SLF1: variants seen among roughly 807,000 people sequenced by gnomAD.
SLF1 encodes the protein SMC5/6 complex localization factor 1.
A neutral mutation model predicts 123.0 loss-of-function variants in SLF1; 105 were observed. That is an observed-to-expected ratio of 0.85 (90% confidence interval 0.73 to 1.00). The LOEUF (loss-of-function observed/expected upper bound fraction) is 1.00, where lower values mean the gene tolerates loss of function less well. Ranked by LOEUF, SLF1 falls within the 50% of genes least tolerant of loss-of-function variation. The pLI, the probability that SLF1 is intolerant of heterozygous loss-of-function variation, is 0.00. For missense variants in SLF1, 1,239 were observed against 1,223.0 expected, an observed-to-expected ratio of 1.01 and a Z score of -0.20; for synonymous variants, 434 against 406.6, an observed-to-expected ratio of 1.07 and a Z score of -0.81.
chr5:94,673,146 CT>C (rs35332954), intron 14 of SLF1, among the ~76,000 whole-genome samples: 186 of 146,328 alleles, frequency 1.3e-3, no homozygotes, highest in South Asian at 1.8e-3. Context: ...TTGGCCATGA[CT>C]TTTTTTTTTT....
intron 5 of SLF1, among the ~76,000 whole-genome samples, 187 bp from the exon 6 acceptor site, chr5:94,649,267 C>T (rs909962005): frequency 3.9e-5 from 6 of 152,138 alleles, no homozygotes; most frequent in Non-Finnish European, 8.8e-5. Flanking sequence ...TATTCAGGAC[C>T]TTTACTATCA....
chr5:94,669,839 G>A (rs997307178), intron 12 of SLF1, among the ~76,000 whole-genome samples: 1 of 151,914 alleles, frequency 6.6e-6, no homozygotes, highest in African/African-American at 2.4e-5. Flanking sequence ...AGGACTTAAT[G>A]AAATCTATAA....
chr5:94,619,581 CTT>C (rs767528545), intron 1 of SLF1, among the ~76,000 whole-genome samples: 22 of 151,838 alleles, frequency 1.4e-4, no homozygotes, highest in Non-Finnish European at 2.5e-4. Flanking sequence ...GCGCCAGCCT[CTT>C]TTTTGACGAA....
At position 94,654,709 on chromosome 5, in the gene SLF1, T is replaced by A; in HGVS notation, c.1112T>A (p.Val371Asp). The change falls in exon 9 of 21, where the codon GTT becomes GAT. Residue 371 changes from valine to aspartate, a missense_variant. By Grantham distance (152) the Val-to-Asp change is radical. Coordinates refer to ENST00000265140, the MANE Select transcript of SLF1 (RefSeq NM_032290.4). The part of the protein sequence containing the change: ...AMAIKTDVDV[V>D]EIKNTLRKHI... Reference sequence around the variant, plus strand: ...GCTATTAAGACAGATGTGGATGTTGTTGAAATAAAAAATACCTTAAGGAAG... The same window carrying A: ...GCTATTAAGACAGATGTGGATGTTGATGAAATAAAAAATACCTTAAGGAAG... The A allele has an allele frequency of 3.2e-6, 5 of 1,544,010 alleles. No homozygotes were observed. Among genetic ancestry groups the A allele is most frequent in the Non-Finnish European group, 4.4e-6 (5 of 1,143,200 alleles).
chr5:94,623,998 A>G (rs984088324), intron 1 of SLF1, among the ~76,000 whole-genome samples: 2 of 152,132 alleles, frequency 1.3e-5, no homozygotes, highest in African/African-American at 4.8e-5. Flanking sequence ...ATGTATTATA[A>G]ACTGTTGTTT....
In SLF1 at chr5:94,695,031, T is replaced by A; in HGVS notation, c.2896T>A (p.Phe966Ile). The change falls in exon 21 of 21, where the codon TTT (phenylalanine) becomes ATT (isoleucine). Residue 966 changes from phenylalanine to isoleucine, a missense_variant. Coordinates refer to ENST00000265140, the MANE Select transcript of SLF1 (RefSeq NM_032290.4). ...TTTACTTAGTAGGATGTTGCTAAAT[T>A]TTTGTTCAATTTTTGATTTATCTTC... is the stretch of plus-strand genomic sequence containing the variant. ...SFLLSRMLLN[F>I]CSIFDLSSEF... is the part of the protein sequence containing the mutation. 1.9e-6 allele frequency: 3 copies of A among 1,612,254 alleles called. No individual in the cohort carries two copies. Among genetic ancestry groups the A allele is most frequent in the Non-Finnish European group, 2.5e-6 (3 of 1,179,098 alleles).
intron 16 of SLF1, among the ~76,000 whole-genome samples, chr5:94,687,757 T>TTTG (rs1752605296): frequency 6.6e-6 from 1 of 152,040 alleles, no homozygotes; most frequent in Non-Finnish European, 1.5e-5. Context: ...TTTAATTACT[T>TTTG]TTGAGCGTAG....
intron 15 of SLF1, among the ~76,000 whole-genome samples, chr5:94,684,353 A>T (rs1249116981): frequency 6.6e-6 from 1 of 152,178 alleles, no homozygotes. Context: ...GAGCCTCAGT[A>T]GTAGCAAGAG....
chr5:94,687,008 C>T (rs1752510542), intron 16 of SLF1, among the ~76,000 whole-genome samples: 1 of 152,184 alleles, frequency 6.6e-6, no homozygotes, highest in East Asian at 1.9e-4. Flanking sequence ...TCGTGATCTG[C>T]CTGCCTCGGC....
chr5:94,661,382 C>A lies in SLF1; in HGVS notation c.1156-916C>A, dbSNP rs544173801. On this transcript the variant is annotated intron_variant, in intron 9 of 20. Coordinates refer to ENST00000265140, the MANE Select transcript of SLF1 (RefSeq NM_032290.4). ...TCTGTCTTTGCTTGCCTCAGAGATT[C>A]CCTGCCACTTTTAAATTGTAATGTT... Among the ~76,000 whole-genome samples, 61 of 152,212 alleles carry A rather than the reference C, an allele frequency of 4.0e-4. 1 individual carries two copies. In the South Asian group the frequency reaches 8.3e-3, roughly 21 times the overall value.
At position 94,697,574 on chromosome 5, in the gene SLF1, C is replaced by G. The variant is rs574292089; in HGVS notation, c.*2262C>G. 6.6e-6 allele frequency: 1 copy of G among 151,778 alleles called. No homozygotes were observed. Among genetic ancestry groups the G allele is most frequent in the African/African-American group, 2.4e-5 (1 of 41,460 alleles). 9.4% of individuals were successfully genotyped at this position (151,778 alleles called of 1,614,324 possible). A position where few individuals can be genotyped will look rare whatever the true frequency, so the allele number is the denominator to read the frequency against. ...TATTTTTTAAATTTCTGTAAGAGAC[C>G]TTATTACAATGTAAATAAAGCTGGA... On this transcript the variant is annotated 3_prime_UTR_variant, in exon 21 of 21. Coordinates refer to ENST00000265140, the MANE Select transcript of SLF1 (RefSeq NM_032290.4).
At chr5:94,656,619 C>T (rs1269092451) in intron 9 of SLF1, among the ~76,000 whole-genome samples, 3 of 151,798 alleles carry the variant, frequency 2.0e-5, no homozygotes, top group East Asian at 1.9e-4. Context: ...TTTTGGTCCT[C>T]GGCTTTTTAT....
rs188229391 is a variant in SLF1 at position 94,633,051 on chromosome 5, C to T, written c.431+2308C>T. On this transcript the variant is annotated intron_variant, in intron 4 of 20. Transcript: ENST00000265140. ...TGTTGCCCCGGCTGGAGTGCAGTGG[C>T]GTGATCTTGGCTCACCGCAACCTCT... Among the ~76,000 whole-genome samples, 5 of 151,908 alleles carry T rather than the reference C, an allele frequency of 3.3e-5. No homozygotes were observed. The East Asian group carries it at 7.8e-4, about 24-fold the overall frequency.
At chr5:94,676,456 C>T (rs1372927384) in intron 14 of SLF1, among the ~76,000 whole-genome samples, 1 of 152,186 alleles carries the variant, frequency 6.6e-6, no homozygotes, top group Non-Finnish European at 1.5e-5. Flanking sequence ...GCCGCAACTG[C>T]AAGGCTTAAA....
At position 94,665,912 on chromosome 5, in the gene SLF1, C is replaced by A; in HGVS notation, c.1420C>A (p.Leu474Ile). The A allele has an allele frequency of 6.4e-7, 1 of 1,550,544 alleles. No homozygotes were observed. Among genetic ancestry groups the A allele is most frequent in the Non-Finnish European group, 8.7e-7 (1 of 1,145,848 alleles). ...ATACTTTCATATATTGTCAGCTCTT[C>A]TTCACCTGCATCCTCCTTGGAAGTC... is the stretch of plus-strand genomic sequence containing the variant. ...GRYFHILSALLHLHPPWKSPA... is the reference protein window; with the variant it reads ...GRYFHILSALIHLHPPWKSPA... The change falls in exon 12 of 21, where the codon CTT (leucine) becomes ATT (isoleucine). Residue 474 changes from leucine to isoleucine, a missense_variant. Physicochemically the swap from Leu to Ile is conservative, Grantham distance 5. Coordinates refer to ENST00000265140, the MANE Select transcript of SLF1 (RefSeq NM_032290.4).
rs545402435 is a variant in SLF1, at chr5:94,673,750, G to C, written c.1827+2742G>C. ...ATTACCTAGGCCTTCATTAGAAATA[G>C]AAGTTCTTGCTGGTTTTTTAAAAAA... On this transcript the variant is annotated intron_variant, in intron 14 of 20. Coordinates refer to ENST00000265140, the MANE Select transcript of SLF1 (RefSeq NM_032290.4). Among the ~76,000 whole-genome samples the C allele has an allele frequency of 1.1e-3, 156 of 145,544 alleles. 1 individual carries two copies. The highest frequency in any genetic ancestry group is 3.4e-3 in the Admixed American group (49 of 14,580).
At chr5:94,625,498 C>T (rs563367968) in intron 1 of SLF1, among the ~76,000 whole-genome samples, 2 of 151,948 alleles carry the variant, frequency 1.3e-5, no homozygotes, top group South Asian at 2.1e-4. Flanking sequence ...ATTCTTCTGC[C>T]TCAGCCTCCC....
intron 9 of SLF1, among the ~76,000 whole-genome samples, chr5:94,661,124 T>C (rs1490727998): frequency 6.6e-6 from 1 of 152,178 alleles, no homozygotes; most frequent in East Asian, 1.9e-4. Flanking sequence ...CAGCAGATTA[T>C]GTGGGACTCA....
At chr5:94,688,026 C>A (rs912451339) in intron 16 of SLF1, among the ~76,000 whole-genome samples, 5 of 126,004 alleles carry the variant, frequency 4.0e-5, no homozygotes, top group Admixed American at 1.4e-4. Flanking sequence ...TAATATCTAT[C>A]TTTAGATATT....
Sources: gnomAD v4.1 joint callset for allele counts (sites outside exome capture counted in the v4.1 genomes callset) on GRCh38, gnomAD v4.1.1 for gene constraint, MANE v1.5 for transcripts, NCBI Gene and HGNC (gene_info 2026-07-23, HGNC 2026-07-21) for gene names.